Variants in SYNE1 observed in about 807,000 individuals in gnomAD.
The protein encoded by SYNE1 is nesprin-1.
In SYNE1, 616 loss-of-function variants were observed where a neutral mutation model predicts 1,111.0. The ratio of observed to expected loss-of-function variants is 0.55; its 90% CI spans 0.52 to 0.59. The LOEUF is 0.59. Ranked by LOEUF, SYNE1 falls within the 20% of genes least tolerant of loss-of-function variation. The probability of loss-of-function intolerance (pLI) is 0.00; values close to 1 mark genes in which losing one functional copy is unlikely to be tolerated. For synonymous variants in SYNE1, 3,855 were observed against 3,825.8 expected (o/e 1.01, Z -0.28); for missense variants, 10,006 against 10,417.0 (o/e 0.96, Z 1.72).
chr6:152,217,727 G>A (rs2079080527), intron 121 of SYNE1, among the ~76,000 whole-genome samples: 1 of 152,044 alleles, frequency 6.6e-6, no homozygotes, highest in Non-Finnish European at 1.5e-5. Context: ...AACATGGAGA[G>A]GGACCAGCCG....
At chr6:152,172,496 A>T (rs1408467453) in intron 130 of SYNE1, among the ~76,000 whole-genome samples, 6 of 152,174 alleles carry the variant, frequency 3.9e-5, no homozygotes, top group Non-Finnish European at 5.9e-5. Flanking sequence ...CCTGCCCCCA[A>T]ATCATCACAA....
chr6:152,518,284 A>G (rs2099122405), intron 6 of SYNE1, among the ~76,000 whole-genome samples: 1 of 151,128 alleles, frequency 6.6e-6, no homozygotes, highest in Non-Finnish European at 1.5e-5. Flanking sequence ...TTGAAATGTG[A>G]TCCCCAATGT....
Position 152,271,765 on chromosome 6 carries a change from G to A in SYNE1, c.18574-2479C>T, listed in dbSNP as rs189186992. On this transcript the variant is annotated intron_variant, in intron 98 of 145. Coordinates refer to ENST00000367255, the MANE Select transcript of SYNE1 (RefSeq NM_182961.4). ...TAGAAAATGGCCTCAAGAAATCAGT[G>A]GACGAGACTGAAAGTTGTCCCCATC... Among the ~76,000 whole-genome samples, 33 of 152,336 alleles carry A rather than the reference G, an allele frequency of 2.2e-4. No individual in the cohort carries two copies. The East Asian group carries it at 5.4e-3, about 25-fold the overall frequency.
chr6:152,270,985 G>A (rs1026305482), intron 98 of SYNE1, among the ~76,000 whole-genome samples: 5 of 152,144 alleles, frequency 3.3e-5, no homozygotes, highest in Non-Finnish European at 7.4e-5. Context: ...CAGGGCTGGC[G>A]TACCATGGGG....
At position 152,385,719 on chromosome 6, in the gene SYNE1, C is replaced by T. The variant is rs908249470; in HGVS notation, c.8607G>A (p.Met2869Ile). ...AKEELHRWSDMSGDSSATQKK... is the reference protein window; with the variant it reads ...AKEELHRWSDISGDSSATQKK... ...TCTGGGTGGCTGATGAATCTCCAGA[C>T]ATATCTGACCACCGGTGAAGTTCTT... Residue 2869 changes from methionine (M) to isoleucine (I), a missense_variant, in exon 55 of 146, where the codon ATG (methionine) becomes ATA (isoleucine). Met to Ile is a conservative substitution (Grantham distance 10). This residue lies in a region of SYNE1 where 4,955 missense variants were observed against 5,017.2 expected (regional missense o/e 0.99). Coordinates refer to ENST00000367255, the MANE Select transcript of SYNE1 (RefSeq NM_182961.4). The T allele has an allele frequency of 1.2e-6, 2 of 1,614,012 alleles. No individual in the cohort carries two copies. Among genetic ancestry groups the T allele is most frequent in the Non-Finnish European group, 1.7e-6 (2 of 1,180,010 alleles).
At chr6:152,343,483 CTTTT>C (rs1341294458) in intron 74 of SYNE1, among the ~76,000 whole-genome samples, 1 of 137,166 alleles carries the variant, frequency 7.3e-6, no homozygotes, top group East Asian at 2.2e-4. Flanking sequence ...TTTTTTTTTT[CTTTT>C]TAATAGTTTA....
Position 152,321,902 on chromosome 6 carries a change from A to G in SYNE1, c.15918-16T>C. 1 of 1,614,080 alleles carries G rather than the reference A, an allele frequency of 6.2e-7. No homozygotes were observed. Among genetic ancestry groups the G allele is most frequent in the Non-Finnish European group, 8.5e-7 (1 of 1,179,964 alleles). On this transcript the variant is annotated splice_polypyrimidine_tract_variant and intron_variant, in intron 82 of 145. Coordinates refer to ENST00000367255, the MANE Select transcript of SYNE1 (RefSeq NM_182961.4). ...CTCCTGCATGCTTCAGAAACATTAC[A>G]GGGATAAAACAGAAGTGAAGTGAAA...
At chr6:152,577,780 GTT>G (rs3076666) in intron 3 of SYNE1, among the ~76,000 whole-genome samples, 39,655 of 147,050 alleles carry the variant, frequency 0.27, 6,793 homozygotes, top group African/African-American at 0.49. Flanking sequence ...TTTCTGTTTT[GTT>G]TTTTTTTTTA....
In SYNE1 at chr6:152,256,721, G is replaced by T. The variant is rs1371595264; in HGVS notation, c.19017C>A (p.Tyr6339Ter). ...PNRLLSGVPL[Y>*]KGDVPTQDKS... Reference sequence around the variant, plus strand: ...TATCTTGGGTTGGCACGTCCCCTTTGTACAGTGGCACACCAGACAAGAGTC... The same window carrying T: ...TATCTTGGGTTGGCACGTCCCCTTTTTACAGTGGCACACCAGACAAGAGTC... Residue 6339 changes from tyrosine (Y) to a stop codon, truncating the protein, a stop_gained, in exon 102 of 146, where the codon TAC (tyrosine) becomes TAA (stop). Coordinates refer to ENST00000367255, the MANE Select transcript of SYNE1 (RefSeq NM_182961.4). LOFTEE classifies it high-confidence loss of function. 6.2e-7 allele frequency: 1 copy of T among 1,614,024 alleles called. No homozygotes were observed. The highest frequency in any genetic ancestry group is 2.2e-5 in the East Asian group (1 of 44,872).
chr6:152,259,943 A>G (rs1327535727), intron 101 of SYNE1, among the ~76,000 whole-genome samples: 2 of 152,166 alleles, frequency 1.3e-5, no homozygotes, highest in Non-Finnish European at 2.9e-5. Context: ...CTAAATTTGA[A>G]CAGTCCAGGT....
At chr6:152,434,969 C>T (rs1234589759) in intron 33 of SYNE1, 1 of 152,060 alleles carries the variant, frequency 6.6e-6, no homozygotes, top group Non-Finnish European at 1.5e-5. Flanking sequence ...GTTAAAATGG[C>T]TATTCTTAAT....
intron 3 of SYNE1, among the ~76,000 whole-genome samples, chr6:152,608,390 T>G (rs1287839379): frequency 1.3e-5 from 2 of 152,180 alleles, no homozygotes; most frequent in Non-Finnish European, 2.9e-5. Context: ...TAATTACAGG[T>G]AAATGTAGTG....
intron 32 of SYNE1, among the ~76,000 whole-genome samples, chr6:152,436,411 C>A (rs561780578): frequency 6.6e-6 from 1 of 152,082 alleles, no homozygotes; most frequent in Admixed American, 6.6e-5. Context: ...ATATGATTTT[C>A]CTACCTCAAC....
chr6:152,438,057 T>C (rs375716841), intron 32 of SYNE1, among the ~76,000 whole-genome samples: 2 of 152,136 alleles, frequency 1.3e-5, no homozygotes, highest in African/African-American at 2.4e-5. Context: ...GAGAACTACG[T>C]TGCAATTTAA....
Position 152,122,440 on chromosome 6 carries a change from A to G in SYNE1, c.26390T>C (p.Leu8797Pro). Residue 8797 changes from leucine to proline, a missense_variant, in exon 146 of 146, where the codon CTC becomes CCC. Transcript: ENST00000367255. Reference protein sequence around the residue: ...MLRYTNGPPPL With the variant: ...MLRYTNGPPPP ...TGCAGATGGCATCTGCTTAGTTCAG[A>G]GTGGAGGAGGGCCATTCGTGTATCT... The G allele has an allele frequency of 2.5e-6, 4 of 1,614,010 alleles. No homozygotes were observed. Among genetic ancestry groups the G allele is most frequent in the Non-Finnish European group, 3.4e-6 (4 of 1,180,004 alleles).
chr6:152,184,673 T>C (rs1025722990), intron 128 of SYNE1, among the ~76,000 whole-genome samples: 1 of 149,940 alleles, frequency 6.7e-6, no homozygotes, highest in East Asian at 1.9e-4. Flanking sequence ...GATAGATAGA[T>C]AGATAAAATA....
At chr6:152,409,041 T>A in intron 44 of SYNE1, 27 bp downstream of exon 44, 1 of 1,611,138 alleles carries the variant, frequency 6.2e-7, no homozygotes, top group Non-Finnish European at 8.5e-7. Flanking sequence ...TTTAAATAGT[T>A]CACAGAATCC....
intron 62 of SYNE1, among the ~76,000 whole-genome samples, chr6:152,365,675 G>A (rs2097061752): frequency 6.6e-6 from 1 of 151,758 alleles, no homozygotes; most frequent in Non-Finnish European, 1.5e-5. Context: ...GCCCAGCCTG[G>A]TGTTGAACTC....
intron 38 of SYNE1, among the ~76,000 whole-genome samples, chr6:152,426,345 T>C (rs1376564732): frequency 6.6e-6 from 1 of 152,250 alleles, no homozygotes. Flanking sequence ...ACACAGCCTG[T>C]GGATGACAGG....
Sources: allele counts gnomAD v4.1 joint callset (sites outside exome capture counted in the v4.1 genomes callset), GRCh38; gene constraint gnomAD v4.1.1; regional missense constraint gnomAD v4.1.1; transcripts MANE v1.5; gene names NCBI Gene and HGNC (gene_info 2026-07-23, HGNC 2026-07-21).